The following SIK3 variants were observed in gnomAD, a reference collection of about 807,000 sequenced individuals.
SIK3 encodes the protein SIK family kinase 3.
Under a neutral mutation model 144.2 loss-of-function variants are expected in SIK3, and 28 were observed. That is an observed-to-expected ratio of 0.19 (90% CI 0.14 to 0.27). The LOEUF (loss-of-function observed/expected upper bound fraction) is 0.27, where lower values mean the gene tolerates loss of function less well. Ranked by LOEUF, SIK3 falls within the 10% of genes least tolerant of loss-of-function variation. SIK3 has a pLI of 1.00. For synonymous variants in SIK3, 686 were observed against 676.3 expected (o/e 1.01, Z -0.22); for missense variants, 1,319 against 1,776.0 (o/e 0.74, Z 4.62).
intron 16 of SIK3, among the ~76,000 whole-genome samples, chr11:116,863,057 G>C (rs925280801): frequency 8.8e-5 from 13 of 148,436 alleles, no homozygotes; most frequent in East Asian, 5.9e-4. Flanking sequence ...CTGGGTGACA[G>C]AGCAAGACTT....
chr11:117,031,929 G>A (rs1475100015), intron 1 of SIK3, among the ~76,000 whole-genome samples: 1 of 151,970 alleles, frequency 6.6e-6, no homozygotes, highest in Non-Finnish European at 1.5e-5. Flanking sequence ...AAAAACCACT[G>A]AATTTTACAG....
intron 1 of SIK3, among the ~76,000 whole-genome samples, chr11:117,033,056 CT>C (rs1435090090): frequency 6.6e-6 from 1 of 152,176 alleles, no homozygotes; most frequent in Non-Finnish European, 1.5e-5. Context: ...TAAAATAAGG[CT>C]TCTCCTGCCA....
chr11:117,016,260 C>T (rs903521676), intron 1 of SIK3, among the ~76,000 whole-genome samples: 1 of 148,802 alleles, frequency 6.7e-6, no homozygotes, highest in African/African-American at 2.5e-5. Context: ...CAGGAGGCGG[C>T]CCTTGCAGTG....
At chr11:116,875,746 G>T in intron 9 of SIK3, 120 bp downstream of exon 9, 1 of 1,221,180 alleles carries the variant, frequency 8.2e-7, no homozygotes, top group Non-Finnish European at 1.1e-6. Flanking sequence ...GATGACAAAT[G>T]GGAGGAGACA....
intron 3 of SIK3, among the ~76,000 whole-genome samples, chr11:116,946,811 T>C (rs1948613792): frequency 6.6e-6 from 1 of 152,114 alleles, no homozygotes; most frequent in Non-Finnish European, 1.5e-5. Context: ...ACCTCTGCCA[T>C]TTTATTAATA....
intron 3 of SIK3, among the ~76,000 whole-genome samples, chr11:116,939,229 C>A (rs61624438): frequency 0.16 from 24,512 of 152,148 alleles, 2,081 homozygotes; most frequent in Admixed American, 0.21. Context: ...CTCACTGCAA[C>A]CTCCGCCTCC....
chr11:116,873,505 G>A lies in SIK3; in HGVS notation c.1713C>T (p.Pro571=). The A allele has an allele frequency of 3.1e-6, 5 of 1,614,058 alleles. No homozygotes were observed. Among genetic ancestry groups the A allele is most frequent in the Non-Finnish European group, 4.2e-6 (5 of 1,179,980 alleles). ...CTGGTGTCATGGTGACAAGCGGAGA[G>A]GGTCCCCGTGGGCGCTTCAGCAGCT... ...AQQLLKRPRG[P]SPLVTMTPAV... Residue 571 remains proline, a synonymous_variant, in exon 13 of 25, where the codon CCC becomes CCT. Coordinates refer to ENST00000445177, the MANE Select transcript of SIK3 (RefSeq NM_001366686.3).
chr11:117,097,795 T>C (rs1955545859), intron 1 of SIK3, among the ~76,000 whole-genome samples: 1 of 152,062 alleles, frequency 6.6e-6, no homozygotes, highest in South Asian at 2.1e-4. Context: ...AGCTGCTGGT[T>C]CCAGAGTCTT....
chr11:116,966,158 C>T (rs772621493), intron 1 of SIK3, among the ~76,000 whole-genome samples: 5 of 152,112 alleles, frequency 3.3e-5, no homozygotes, highest in Admixed American at 1.3e-4. Flanking sequence ...AATAGGCCGG[C>T]CTGGTGGCTC....
chr11:116,894,828 C>G (rs1224708631), intron 6 of SIK3, among the ~76,000 whole-genome samples: 1 of 152,168 alleles, frequency 6.6e-6, no homozygotes, highest in Non-Finnish European at 1.5e-5. Flanking sequence ...GACTGGGAAC[C>G]AGCCACCAAC....
chr11:116,978,167 G>A (rs942197402), intron 1 of SIK3, among the ~76,000 whole-genome samples: 8 of 151,492 alleles, frequency 5.3e-5, no homozygotes, highest in East Asian at 3.9e-4. Context: ...GTGGTGAGCC[G>A]AAATCGCACC....
chr11:116,927,979 T>A (rs1313452124), intron 3 of SIK3, among the ~76,000 whole-genome samples: 1 of 152,228 alleles, frequency 6.6e-6, no homozygotes, highest in African/African-American at 2.4e-5. Flanking sequence ...CATCTTTATA[T>A]CTGCATTTAT....
intron 4 of SIK3, among the ~76,000 whole-genome samples, 174 bp downstream of exon 4, chr11:116,927,045 G>A (rs898563774): frequency 1.3e-5 from 2 of 150,816 alleles, no homozygotes; most frequent in Non-Finnish European, 3.0e-5. Flanking sequence ...GGGCAGGGGA[G>A]GGGAAGTACT....
At chr11:117,051,829 T>A (rs375779888) in intron 1 of SIK3, among the ~76,000 whole-genome samples, 1 of 151,814 alleles carries the variant, frequency 6.6e-6, no homozygotes, top group African/African-American at 2.4e-5. Context: ...ACGCCTGGCC[T>A]ATAGAGGTTT....
Position 116,846,224 on chromosome 11 carries a change from G to A in SIK3, c.*13+159C>T, listed in dbSNP as rs559607849. ...TACCTCGCGCCCTAAAACTAGCAGCGTCGTTAATGAAAAGCAAGAAACTGT... is the reference window on the plus strand; with the variant it reads ...TACCTCGCGCCCTAAAACTAGCAGCATCGTTAATGAAAAGCAAGAAACTGT... On this transcript the variant is annotated intron_variant, in intron 24 of 24. Coordinates refer to ENST00000445177, the MANE Select transcript of SIK3 (RefSeq NM_001366686.3). The surrounding 1 kb of genome is among the most constrained non-coding windows in gnomAD (Gnocchi z 4.1). 1.2e-4 allele frequency among the ~76,000 whole-genome samples: 18 copies of A among 152,276 alleles called. No homozygotes were observed. The highest frequency in any genetic ancestry group is 3.6e-4 in the African/African-American group (15 of 41,536).
At chr11:117,001,903 T>TA (rs1164926943) in intron 1 of SIK3, among the ~76,000 whole-genome samples, 1 of 152,136 alleles carries the variant, frequency 6.6e-6, no homozygotes, top group African/African-American at 2.4e-5. Flanking sequence ...TCTGTCCACC[T>TA]AAAAAAAGAA....
At chr11:116,864,831 C>T (rs1365842941) in intron 15 of SIK3, 1 of 152,278 alleles carries the variant, frequency 6.6e-6, no homozygotes, top group East Asian at 1.9e-4. Context: ...AGAACCACAG[C>T]TCAGGAAGCA....
chr11:117,028,247 AC>A (rs1488982150), intron 1 of SIK3, among the ~76,000 whole-genome samples: 1 of 152,116 alleles, frequency 6.6e-6, no homozygotes, highest in Non-Finnish European at 1.5e-5. Flanking sequence ...TTAAAGTTAA[AC>A]CCTTTTTTCA....
chr11:117,000,219 C>A (rs1010371909), intron 1 of SIK3, among the ~76,000 whole-genome samples: 1 of 152,192 alleles, frequency 6.6e-6, no homozygotes, highest in African/African-American at 2.4e-5. Flanking sequence ...CACTGTTCTA[C>A]TATTTCTGTC....
Sources: gnomAD v4.1 joint callset for allele counts (sites outside exome capture counted in the v4.1 genomes callset) on GRCh38, gnomAD v4.1.1 for gene constraint, Gnocchi (gnomAD v3.1) non-coding constraint, MANE v1.5 for transcripts, NCBI Gene and HGNC (gene_info 2026-07-23, HGNC 2026-07-21) for gene names.